The following JAK1 variants were observed in gnomAD, a reference collection of about 807,000 sequenced individuals.
JAK1 encodes the protein Janus kinase 1.
Under a neutral mutation model 136.6 loss-of-function variants are expected in JAK1, and 16 were observed. The ratio of observed to expected loss-of-function variants is 0.12; its 90% CI spans 0.08 to 0.18. The LOEUF (loss-of-function observed/expected upper bound fraction) is 0.18. Among genes scored for constraint, JAK1 ranks in the 10% least tolerant of loss-of-function variants. JAK1 has a pLI of 1.00. For synonymous variants in JAK1, 492 were observed against 519.5 expected (o/e 0.95, Z 0.72); for missense variants, 859 against 1,450.1 (o/e 0.59, Z 6.62).
intron 1 of JAK1, among the ~76,000 whole-genome samples, chr1:64,929,120 G>C (rs1570794363): frequency 1.3e-5 from 2 of 152,208 alleles, no homozygotes; most frequent in African/African-American, 4.8e-5. Flanking sequence ...CACACCTGCA[G>C]TATGTTCAGT....
chr1:64,843,844 C>G (rs1248602026), intron 17 of JAK1, among the ~76,000 whole-genome samples: 3 of 152,264 alleles, frequency 2.0e-5, no homozygotes, highest in South Asian at 2.1e-4. Context: ...TCACAACAAC[C>G]CTACAAGTAG....
chr1:65,024,837 C>T (rs776323282), intron 2 of JAK1, among the ~76,000 whole-genome samples: 2 of 151,928 alleles, frequency 1.3e-5, no homozygotes, highest in Non-Finnish European at 2.9e-5. Context: ...ATTAGCCAGT[C>T]GTGGTGGCAG....
intron 1 of JAK1, among the ~76,000 whole-genome samples, chr1:64,894,148 C>A (rs1644978910): frequency 6.6e-6 from 1 of 152,188 alleles, no homozygotes; most frequent in African/African-American, 2.4e-5. Flanking sequence ...GCACAGCCTC[C>A]ACCGGTCACC....
chr1:65,025,486 AG>A (rs1646970427), intron 2 of JAK1, among the ~76,000 whole-genome samples: 1 of 152,314 alleles, frequency 6.6e-6, no homozygotes, highest in South Asian at 2.1e-4. Flanking sequence ...GTGAGGCCAC[AG>A]GGTAAAATAC....
intron 2 of JAK1, among the ~76,000 whole-genome samples, chr1:65,034,903 A>G (rs995650787): frequency 5.3e-5 from 8 of 152,058 alleles, no homozygotes; most frequent in African/African-American, 1.9e-4. Flanking sequence ...AAAAATACAA[A>G]AAATTAGCCA....
chr1:65,014,928 A>G (rs1034439373), intron 2 of JAK1, among the ~76,000 whole-genome samples: 5 of 151,444 alleles, frequency 3.3e-5, no homozygotes, highest in Non-Finnish European at 5.9e-5. Flanking sequence ...CTCGTGATCC[A>G]CCCGCCTCGG....
intron 2 of JAK1, among the ~76,000 whole-genome samples, chr1:65,039,658 T>C (rs529703132): frequency 2.0e-5 from 3 of 152,270 alleles, no homozygotes; most frequent in South Asian, 2.1e-4. Flanking sequence ...GCAACACACA[T>C]TGAGCTGCGT....
chr1:64,910,089 A>C (rs569743552), intron 1 of JAK1, among the ~76,000 whole-genome samples: 1 of 152,216 alleles, frequency 6.6e-6, no homozygotes, highest in South Asian at 2.1e-4. Context: ...TCATGAAAAT[A>C]ATGTTGAAAC....
At chr1:64,902,551 T>TGAGAGAGAGAGAGAGAGAGAGAGA (rs142393341) in intron 1 of JAK1, among the ~76,000 whole-genome samples, 3 of 102,428 alleles carry the variant, frequency 2.9e-5, no homozygotes, top group African/African-American at 1.4e-4. Context: ...CATGAATTTG[T>TGAGAGAGAGAGAGAGAGAGAGAGA]GAGAGAGAGA....
intron 2 of JAK1, among the ~76,000 whole-genome samples, chr1:64,980,534 G>A (rs1470109245): frequency 6.6e-6 from 1 of 151,328 alleles, no homozygotes. Context: ...TCTAACAGCT[G>A]GATCCTTGGT....
chr1:64,953,522 A>G (rs2100589050), intron 1 of JAK1, among the ~76,000 whole-genome samples: 1 of 152,334 alleles, frequency 6.6e-6, no homozygotes, highest in Admixed American at 6.5e-5. Context: ...ATAAAGCAAC[A>G]GTAAATCTCG....
At chr1:64,986,142 G>A in intron 2 of JAK1, 1 of 572,090 alleles carries the variant, frequency 1.7e-6, no homozygotes, top group East Asian at 4.7e-5. Context: ...TTTCACTCTT[G>A]TTGCTCAGCC....
upstream of JAK1, among the ~76,000 whole-genome samples, chr1:64,970,911 C>T (rs907719667): frequency 2.0e-5 from 3 of 152,170 alleles, no homozygotes; most frequent in Non-Finnish European, 4.4e-5. Flanking sequence ...GTAGAAGCCT[C>T]TTATTAGAAA....
intron 1 of JAK1, among the ~76,000 whole-genome samples, chr1:65,050,071 G>A (rs192169088): frequency 6.6e-6 from 1 of 152,278 alleles, no homozygotes; most frequent in Non-Finnish European, 1.5e-5. Flanking sequence ...CACAGAAAGT[G>A]GGGATTTTGA....
intron 2 of JAK1, among the ~76,000 whole-genome samples, chr1:65,021,416 G>A (rs964703778): frequency 6.6e-6 from 1 of 152,200 alleles, no homozygotes; most frequent in Admixed American, 6.5e-5. Context: ...CGGCACTTCA[G>A]CAGGATGTGT....
At chr1:64,988,251 A>C (rs1376542238) in intron 2 of JAK1, among the ~76,000 whole-genome samples, 1 of 152,210 alleles carries the variant, frequency 6.6e-6, no homozygotes, top group Non-Finnish European at 1.5e-5. Context: ...TGATTTTACA[A>C]TAAATGATCC....
rs977309301 is a variant in JAK1 at position 64,878,328 on chromosome 1, C to G, written c.329+697G>C. ...ATTGAAGTACTGACTGTCTGTGTCA[C>G]CTGTGACATTTCTCAAAGTCTGCAA... On this transcript the variant is annotated intron_variant, in intron 4 of 24. Coordinates refer to ENST00000342505, the MANE Select transcript of JAK1 (RefSeq NM_002227.4). 3.9e-5 allele frequency among the ~76,000 whole-genome samples: 6 copies of G among 152,166 alleles called. No individual in the cohort carries two copies. The East Asian group carries it at 1.2e-3, about 29-fold the overall frequency.
At chr1:64,981,800 T>C (rs1646548344) in intron 2 of JAK1, among the ~76,000 whole-genome samples, 1 of 152,210 alleles carries the variant, frequency 6.6e-6, no homozygotes, top group African/African-American at 2.4e-5. Context: ...AACTGAAGTT[T>C]TAACAGGGCA....
At position 65,040,652 on chromosome 1, in the gene JAK1, C is replaced by T. The variant is rs545881600; in HGVS notation, c.-78+3828G>A. On this transcript the variant is annotated intron_variant, in intron 2 of 25. Coordinates refer to the JAK1 transcript ENST00000671954. The stretch of plus-strand genomic sequence containing the variant: ...TCAGCCCTCACATACACACACATGC[C>T]CAGGTCCCCCTGTGCTCTGGATTTC... Among the ~76,000 whole-genome samples, 5 of 152,216 alleles carry T rather than the reference C, an allele frequency of 3.3e-5. No individual in the cohort carries two copies. In the South Asian group the frequency reaches 1.0e-3, roughly 32 times the overall value.
Sources: gnomAD v4.1 joint callset for allele counts (sites outside exome capture counted in the v4.1 genomes callset) on GRCh38, gnomAD v4.1.1 for gene constraint, MANE v1.5 for transcripts, NCBI Gene and HGNC (gene_info 2026-07-23, HGNC 2026-07-21) for gene names.